Variants in GRM5 observed in about 807,000 individuals in gnomAD.
GRM5 encodes metabotropic glutamate receptor 5.
A neutral mutation model predicts 83.1 loss-of-function variants in GRM5; 19 were observed. The ratio of observed to expected loss-of-function variants is 0.23; its 90% CI spans 0.16 to 0.34. The LOEUF (loss-of-function observed/expected upper bound fraction) is 0.34. Ranked by LOEUF, GRM5 falls within the 10% of genes least tolerant of loss-of-function variation. GRM5 has a pLI of 1.00. For synonymous variants in GRM5, 675 were observed against 633.6 expected, an observed-to-expected ratio of 1.07 and a Z score of -0.98; for missense variants, 1,160 against 1,588.3, an observed-to-expected ratio of 0.73 and a Z score of 4.58.
intron 3 of GRM5, among the ~76,000 whole-genome samples, chr11:88,828,851 T>C (rs1175540863): frequency 6.6e-6 from 1 of 151,968 alleles, no homozygotes; most frequent in East Asian, 1.9e-4. Flanking sequence ...ATCAAAAATA[T>C]ACTAACGAAA....
chr11:88,546,109 T>C (rs1376382505), intron 8 of GRM5, among the ~76,000 whole-genome samples: 1 of 152,034 alleles, frequency 6.6e-6, no homozygotes, highest in African/African-American at 2.4e-5. Flanking sequence ...CCCAGAACTC[T>C]GTGTGTCTTA....
At chr11:88,818,713 C>G (rs10765794) in intron 3 of GRM5, among the ~76,000 whole-genome samples, 74,051 of 151,972 alleles carry the variant, frequency 0.49, 21,320 homozygotes, top group African/African-American at 0.76. Flanking sequence ...TTCATTTGCA[C>G]AACAAAGCTG....
intron 3 of GRM5, among the ~76,000 whole-genome samples, chr11:88,759,772 A>T (rs1246798590): frequency 1.3e-5 from 2 of 152,112 alleles, no homozygotes; most frequent in Non-Finnish European, 2.9e-5. Context: ...AAAGGAATAT[A>T]TATTCTTTGA....
chr11:88,574,083 G>C (rs982165158), intron 7 of GRM5, among the ~76,000 whole-genome samples: 1 of 152,138 alleles, frequency 6.6e-6, no homozygotes, highest in African/African-American at 2.4e-5. Flanking sequence ...GAGTTTGATT[G>C]ACTGTATCAT....
intron 7 of GRM5, 115 bp from the exon 8 acceptor site, chr11:88,568,107 T>C (rs1942910303): frequency 7.9e-6 from 5 of 636,250 alleles, no homozygotes; most frequent in Non-Finnish European, 1.4e-5. Context: ...CATCTACCTT[T>C]CTAATTTCAG....
intron 3 of GRM5, among the ~76,000 whole-genome samples, chr11:88,709,666 G>C (rs532885001): frequency 8.7e-4 from 133 of 152,262 alleles, no homozygotes; most frequent in African/African-American, 3.0e-3. Flanking sequence ...TGGCTGGGCT[G>C]TTTGCCTGGA....
intron 3 of GRM5, among the ~76,000 whole-genome samples, chr11:88,745,718 C>T (rs1942123492): frequency 6.6e-6 from 1 of 152,280 alleles, no homozygotes; most frequent in African/African-American, 2.4e-5. Flanking sequence ...TGAGACCTCA[C>T]AGATTGTTGG....
intron 3 of GRM5, among the ~76,000 whole-genome samples, chr11:88,740,590 C>T (rs370141713): frequency 6.6e-6 from 1 of 152,000 alleles, no homozygotes. Context: ...GGTAACCTTC[C>T]CACATTACTC....
chr11:89,065,825 C>T lies in GRM5; in HGVS notation c.-250G>A, dbSNP rs1351547945. ...CCCCCAGGCAGCCGCTCCTCGAGGG[C>T]TTCCTGCGCTCTCGTAGCGGCCTTG... On this transcript the variant is annotated 5_prime_UTR_variant, in exon 1 of 10. Coordinates refer to ENST00000305447, the MANE Select transcript of GRM5 (RefSeq NM_001143831.3). 3 of 152,298 alleles carry T rather than the reference C, an allele frequency of 2.0e-5. No individual in the cohort carries two copies. The highest frequency in any genetic ancestry group is 7.2e-5 in the African/African-American group (3 of 41,470). The allele number at this position is 152,298 out of a possible 1,614,324, so 9.4% of individuals were successfully genotyped here. A position where few individuals can be genotyped will look rare whatever the true frequency, so the allele number is the denominator to read the frequency against.
At chr11:88,979,351 C>CA in intron 2 of GRM5, among the ~76,000 whole-genome samples, 1 of 152,240 alleles carries the variant, frequency 6.6e-6, no homozygotes, top group Middle Eastern at 3.4e-3. Context: ...TTTTTTGAAA[C>CA]ACTGGAACCA....
intron 2 of GRM5, among the ~76,000 whole-genome samples, chr11:89,038,447 T>C (rs1023079869): frequency 2.0e-5 from 3 of 152,174 alleles, no homozygotes; most frequent in African/African-American, 7.2e-5. Context: ...CTGTACCATA[T>C]TGCTTCCTGC....
chr11:89,022,486 CA>C (rs10573194), intron 2 of GRM5, among the ~76,000 whole-genome samples: 69,913 of 125,918 alleles, frequency 0.56, 17,549 homozygotes, highest in South Asian at 0.73. Context: ...ACTAAAAATA[CA>C]AAAAAAAAAA....
At chr11:88,882,346 T>C (rs1395503726) in intron 2 of GRM5, among the ~76,000 whole-genome samples, 4 of 149,488 alleles carry the variant, frequency 2.7e-5, no homozygotes. Context: ...GGTCAGGAGA[T>C]CGAGACCATC....
At chr11:88,976,021 G>A (rs1290538996) in intron 2 of GRM5, among the ~76,000 whole-genome samples, 2 of 152,202 alleles carry the variant, frequency 1.3e-5, no homozygotes, top group Non-Finnish European at 2.9e-5. Context: ...TATTCAGGTT[G>A]CAGCTAGCAC....
Position 88,563,253 on chromosome 11 carries a change from A to G in GRM5, c.2630+3800T>C, listed in dbSNP as rs543998202. On this transcript the variant is annotated intron_variant, in intron 8 of 9. Coordinates refer to ENST00000305447, the MANE Select transcript of GRM5 (RefSeq NM_001143831.3). ...AAACAGACTAAAGTGCCTTATTCAA[A>G]TTCATAGCTGAATTGAAATCCAGGT... 7.2e-5 allele frequency among the ~76,000 whole-genome samples: 11 copies of G among 152,332 alleles called. No individual in the cohort carries two copies. In the South Asian group the frequency reaches 2.1e-3, roughly 29 times the overall value.
chr11:88,638,885 T>C (rs980381187), intron 4 of GRM5, among the ~76,000 whole-genome samples: 1 of 152,134 alleles, frequency 6.6e-6, no homozygotes, highest in Non-Finnish European at 1.5e-5. Context: ...TCAATTTGAT[T>C]TTTCAATTTT....
At chr11:88,733,564 G>C (rs1027655050) in intron 3 of GRM5, among the ~76,000 whole-genome samples, 1 of 151,934 alleles carries the variant, frequency 6.6e-6, no homozygotes, top group South Asian at 2.1e-4. Context: ...TTTTCTATGA[G>C]ATTTTCTGTT....
At chr11:88,619,801 A>G (rs923309363) in intron 4 of GRM5, among the ~76,000 whole-genome samples, 3 of 152,172 alleles carry the variant, frequency 2.0e-5, no homozygotes, top group African/African-American at 4.8e-5. Flanking sequence ...CCCATTAGTA[A>G]GGAAAGGATA....
chr11:89,045,629 C>T (rs1246979821), intron 2 of GRM5, among the ~76,000 whole-genome samples: 1 of 152,044 alleles, frequency 6.6e-6, no homozygotes. Context: ...TAGGATAAAA[C>T]AACAGTTTAA....
Sources: allele counts gnomAD v4.1 joint callset (sites outside exome capture counted in the v4.1 genomes callset), GRCh38; gene constraint gnomAD v4.1.1; transcripts MANE v1.5; gene names NCBI Gene and HGNC (gene_info 2026-07-23, HGNC 2026-07-21).